NRF1: variants seen among roughly 807,000 people sequenced by gnomAD.
NRF1 encodes the protein nuclear respiratory factor 1.
Under a neutral mutation model 58.5 loss-of-function variants are expected in NRF1, and 5 were observed. The ratio of observed to expected loss-of-function variants is 0.09; its 90% CI spans 0.04 to 0.18. The LOEUF (loss-of-function observed/expected upper bound fraction) is 0.18. Ranked by LOEUF, NRF1 falls within the 10% of genes least tolerant of loss-of-function variation. NRF1 has a pLI of 1.00. For synonymous variants in NRF1, 224 were observed against 246.7 expected (o/e 0.91, Z 0.86); for missense variants, 288 against 657.7 (o/e 0.44, Z 6.15).
chr7:129,662,989 T>G (rs1337863994), intron 2 of NRF1, among the ~76,000 whole-genome samples: 1 of 152,184 alleles, frequency 6.6e-6, no homozygotes, highest in Non-Finnish European at 1.5e-5. Flanking sequence ...AAGCATCTGT[T>G]TAACAAAGCA....
At chr7:129,684,610 C>T (rs1251237586) in intron 4 of NRF1, among the ~76,000 whole-genome samples, 1 of 152,078 alleles carries the variant, frequency 6.6e-6, no homozygotes. Context: ...TAATCTTATA[C>T]CCTAGTCTTA....
At chr7:129,749,082 G>T (rs777412105) in intron 10 of NRF1, among the ~76,000 whole-genome samples, 1 of 152,194 alleles carries the variant, frequency 6.6e-6, no homozygotes. Flanking sequence ...AGCGTGCAAG[G>T]CCAGGCTTAT....
At chr7:129,677,803 C>G (rs746648386) in intron 4 of NRF1, 45 bp downstream of exon 4, 1 of 1,606,398 alleles carries the variant, frequency 6.2e-7, no homozygotes. Flanking sequence ...TGCTTTCTGT[C>G]GGCTGCTTCC....
At chr7:129,621,476 C>T (rs922865660) in intron 1 of NRF1, among the ~76,000 whole-genome samples, 7 of 152,068 alleles carry the variant, frequency 4.6e-5, no homozygotes, top group Non-Finnish European at 1.0e-4. Flanking sequence ...TTGTCTTTTC[C>T]TTTGGGAACT....
At chr7:129,633,831 TTAAGAA>T (rs1801104670) in intron 1 of NRF1, 1 of 151,434 alleles carries the variant, frequency 6.6e-6, no homozygotes. Flanking sequence ...AAACTGTACT[TTAAGAA>T]TAAATATATA....
At chr7:129,693,456 G>T (rs139035366) in intron 5 of NRF1, among the ~76,000 whole-genome samples, 1 of 152,216 alleles carries the variant, frequency 6.6e-6, no homozygotes, top group African/African-American at 2.4e-5. Context: ...CCCACGTCCC[G>T]CAAGACGCAT....
intron 10 of NRF1, among the ~76,000 whole-genome samples, chr7:129,739,614 C>T (rs541612639): frequency 5.3e-5 from 8 of 151,810 alleles, no homozygotes; most frequent in African/African-American, 1.4e-4. Context: ...GGGAGGGTTG[C>T]GAGGAGAACT....
intron 1 of NRF1, among the ~76,000 whole-genome samples, chr7:129,642,748 CT>C (rs1480605356): frequency 5.3e-5 from 7 of 131,318 alleles, no homozygotes; most frequent in African/African-American, 2.0e-4. Flanking sequence ...AGAATACATT[CT>C]TTAAAAAATT....
intron 5 of NRF1, among the ~76,000 whole-genome samples, chr7:129,696,634 G>A (rs1335762813): frequency 6.6e-6 from 1 of 152,188 alleles, no homozygotes; most frequent in Non-Finnish European, 1.5e-5. Flanking sequence ...GACTGTAATA[G>A]AGATAGACTT....
chr7:129,678,030 G>C (rs1244727757), intron 4 of NRF1, among the ~76,000 whole-genome samples: 1 of 152,094 alleles, frequency 6.6e-6, no homozygotes, highest in Non-Finnish European at 1.5e-5. Context: ...TGTTTTGTTT[G>C]TTAGGAAACC....
intron 10 of NRF1, among the ~76,000 whole-genome samples, chr7:129,737,824 A>G (rs950331859): frequency 6.6e-6 from 1 of 152,250 alleles, no homozygotes; most frequent in African/African-American, 2.4e-5. Context: ...TAGCCTTAAA[A>G]GTGCTGTTGT....
rs1804270829 is a variant in NRF1 at position 129,756,792 on chromosome 7, A to G, written c.*1611A>G. On this transcript the variant is annotated 3_prime_UTR_variant, in exon 11 of 11. Transcript: ENST00000393232. ...TATAAAACTATCTAATGTTCTTTAT[A>G]TGTTCTTTTCTGTACGTAATGGGGG... 6.6e-6 allele frequency: 1 copy of G among 152,328 alleles called. No individual in the cohort carries two copies. 9.4% of individuals were successfully genotyped at this position (152,328 alleles called of 1,614,324 possible). A position where few individuals can be genotyped will look rare whatever the true frequency, so the allele number is the denominator to read the frequency against.
intron 1 of NRF1, among the ~76,000 whole-genome samples, chr7:129,614,991 G>A (rs1019506658): frequency 1.1e-4 from 17 of 152,234 alleles, no homozygotes; most frequent in African/African-American, 3.6e-4. Context: ...CCTGTGGTCT[G>A]GGATTAAATT....
intron 6 of NRF1, among the ~76,000 whole-genome samples, chr7:129,710,038 A>G (rs1803038540): frequency 6.6e-6 from 1 of 151,726 alleles, no homozygotes; most frequent in African/African-American, 2.4e-5. Context: ...CCACGTATTT[A>G]TTTTTCATTT....
intron 1 of NRF1, among the ~76,000 whole-genome samples, chr7:129,616,323 C>T (rs752952787): frequency 2.6e-5 from 4 of 152,136 alleles, no homozygotes; most frequent in Non-Finnish European, 4.4e-5. Context: ...TGGTTCATGC[C>T]TATAATCCCA....
intron 5 of NRF1, among the ~76,000 whole-genome samples, chr7:129,704,566 G>A (rs1802906684): frequency 6.6e-6 from 1 of 152,072 alleles, no homozygotes. Context: ...GAAATGTTTG[G>A]GACCAGAAGT....
intron 2 of NRF1, among the ~76,000 whole-genome samples, chr7:129,670,974 A>G (rs113100705): frequency 7.5e-4 from 114 of 152,172 alleles, no homozygotes; most frequent in Non-Finnish European, 1.5e-3. Context: ...ATTATCTCCA[A>G]CTTCCTTAAC....
At chr7:129,639,848 GC>G (rs927538475) in intron 1 of NRF1, among the ~76,000 whole-genome samples, 1 of 151,882 alleles carries the variant, frequency 6.6e-6, no homozygotes, top group Non-Finnish European at 1.5e-5. Flanking sequence ...GCGCTCTTCC[GC>G]CCCCCCTTTT....
chr7:129,727,778 C>G (rs542816947), intron 10 of NRF1, among the ~76,000 whole-genome samples: 1 of 152,162 alleles, frequency 6.6e-6, no homozygotes, highest in Non-Finnish European at 1.5e-5. Flanking sequence ...TCAAGAAAGG[C>G]GCCAATGTCT....
Sources: allele counts gnomAD v4.1 joint callset (sites outside exome capture counted in the v4.1 genomes callset), GRCh38; gene constraint gnomAD v4.1.1; transcripts MANE v1.5; gene names NCBI Gene and HGNC (gene_info 2026-07-23, HGNC 2026-07-21).